TACR1: variants seen among roughly 807,000 people sequenced by gnomAD.
TACR1 encodes tachykinin receptor 1.
A neutral mutation model predicts 35.8 loss-of-function variants in TACR1; 25 were observed. The ratio of observed to expected loss-of-function variants is 0.70; its 90% CI spans 0.51 to 0.98. The LOEUF is 0.98. TACR1 is among the 50% of genes least tolerant of loss of function. The pLI is 0.00. For synonymous variants in TACR1, 195 were observed against 206.7 expected (o/e 0.94, Z 0.48); for missense variants, 478 against 522.9 (o/e 0.91, Z 0.84).
chr2:75,057,614 T>C (rs181508812), intron 2 of TACR1, among the ~76,000 whole-genome samples: 1 of 152,378 alleles, frequency 6.6e-6, no homozygotes, highest in East Asian at 1.9e-4. Context: ...TTATATGATC[T>C]ATATAGAATA....
chr2:75,110,858 C>T (rs564038937), intron 2 of TACR1, among the ~76,000 whole-genome samples: 43 of 152,020 alleles, frequency 2.8e-4, no homozygotes, highest in African/African-American at 9.6e-4. Flanking sequence ...TGATTCAAAT[C>T]AACTACACAT....
At chr2:75,165,710 C>T (rs553436515) in intron 1 of TACR1, among the ~76,000 whole-genome samples, 6 of 152,266 alleles carry the variant, frequency 3.9e-5, no homozygotes, top group African/African-American at 9.6e-5. Flanking sequence ...AAATATGGTG[C>T]GCCCAGGCTA....
chr2:75,052,235 G>A (rs2103780978), intron 3 of TACR1, among the ~76,000 whole-genome samples: 1 of 152,200 alleles, frequency 6.6e-6, no homozygotes, highest in East Asian at 1.9e-4. Context: ...TTATAAAATA[G>A]GCCTGAGAAA....
intron 1 of TACR1, among the ~76,000 whole-genome samples, chr2:75,193,421 C>T (rs1370461688): frequency 1.3e-5 from 2 of 152,208 alleles, no homozygotes; most frequent in African/African-American, 2.4e-5. Flanking sequence ...GCTTGTCATT[C>T]TCTAGCCTCA....
chr2:75,107,966 G>A (rs1348284165), intron 2 of TACR1, among the ~76,000 whole-genome samples: 1 of 44,020 alleles, frequency 2.3e-5, no homozygotes, highest in Non-Finnish European at 7.3e-5. Flanking sequence ...ATAATTGTAT[G>A]TTATTAAATT....
intron 1 of TACR1, among the ~76,000 whole-genome samples, chr2:75,173,040 C>T (rs1201065150): frequency 2.0e-5 from 3 of 152,046 alleles, no homozygotes; most frequent in Non-Finnish European, 4.4e-5. Flanking sequence ...CATTCTGAGA[C>T]ACTGGGGATT....
rs184746002 is a variant in TACR1, at chr2:75,095,873, A to G, written c.584+24701T>C. Reference sequence around the variant, plus strand: ...AGGTGGTACAGCTACAAGATGGCAGAGCCTCCATCACCTAAGTTCCTGACT... The same window carrying G: ...AGGTGGTACAGCTACAAGATGGCAGGGCCTCCATCACCTAAGTTCCTGACT... On this transcript the variant is annotated intron_variant, in intron 2 of 4. Transcript: ENST00000305249. 6.1e-3 allele frequency among the ~76,000 whole-genome samples: 934 copies of G among 152,288 alleles called. 8 individuals carry two copies. Among genetic ancestry groups the G allele is most frequent in the African/African-American group, 0.021 (892 of 41,536 alleles).
intron 1 of TACR1, among the ~76,000 whole-genome samples, chr2:75,195,995 T>G (rs6714958): frequency 0.57 from 86,074 of 152,002 alleles, 26,444 homozygotes; most frequent in African/African-American, 0.83. Context: ...TGTTGCTTCT[T>G]GTCGGTTAGG....
intron 1 of TACR1, among the ~76,000 whole-genome samples, chr2:75,128,649 C>T (rs920339573): frequency 2.0e-5 from 3 of 152,058 alleles, no homozygotes; most frequent in African/African-American, 7.2e-5. Context: ...GAAGACAGAG[C>T]GCGCATTTTT....
At chr2:75,097,015 T>C (rs555243665) in intron 2 of TACR1, among the ~76,000 whole-genome samples, 1 of 152,350 alleles carries the variant, frequency 6.6e-6, no homozygotes, top group East Asian at 1.9e-4. Context: ...TCAAGTCTCT[T>C]GTATCCTGGA....
At chr2:75,094,508 A>G (rs3755460) in intron 2 of TACR1, among the ~76,000 whole-genome samples, 70,780 of 151,974 alleles carry the variant, frequency 0.47, 16,546 homozygotes, top group East Asian at 0.57. Flanking sequence ...TCAAGTCTAC[A>G]TAGTTTGTGA....
intron 2 of TACR1, among the ~76,000 whole-genome samples, chr2:75,078,803 G>T (rs1198195440): frequency 6.6e-6 from 1 of 152,160 alleles, no homozygotes; most frequent in African/African-American, 2.4e-5. Flanking sequence ...TAATCATTCT[G>T]TATGCAAAAT....
chr2:75,062,189 C>T (rs950386734), intron 2 of TACR1, among the ~76,000 whole-genome samples: 9 of 152,148 alleles, frequency 5.9e-5, no homozygotes, highest in African/African-American at 1.9e-4. Context: ...GCAAAGAGCC[C>T]GAGTGCCTGA....
chr2:75,139,382 A>G (rs1211916210), intron 1 of TACR1, among the ~76,000 whole-genome samples: 2 of 152,230 alleles, frequency 1.3e-5, no homozygotes, highest in Non-Finnish European at 2.9e-5. Context: ...ATCAGACAGG[A>G]TTTGAATCCA....
At chr2:75,094,407 G>A (rs1673371066) in intron 2 of TACR1, among the ~76,000 whole-genome samples, 1 of 152,114 alleles carries the variant, frequency 6.6e-6, no homozygotes, top group Non-Finnish European at 1.5e-5. Flanking sequence ...TCACTAGGAG[G>A]GGTATTCACT....
At chr2:75,125,188 C>T (rs1272796591) in intron 1 of TACR1, among the ~76,000 whole-genome samples, 1 of 151,388 alleles carries the variant, frequency 6.6e-6, no homozygotes, top group African/African-American at 2.4e-5. Flanking sequence ...TCTATTCTTT[C>T]TTTTTTTTGT....
At chr2:75,150,851 T>C (rs1674654002) in intron 1 of TACR1, among the ~76,000 whole-genome samples, 1 of 152,222 alleles carries the variant, frequency 6.6e-6, no homozygotes, top group Non-Finnish European at 1.5e-5. Flanking sequence ...CCCAAAATGT[T>C]GATAGCAATA....
At chr2:75,192,144 T>C (rs1482918280) in intron 1 of TACR1, among the ~76,000 whole-genome samples, 1 of 152,100 alleles carries the variant, frequency 6.6e-6, no homozygotes, top group Non-Finnish European at 1.5e-5. Context: ...GACAGAGTGA[T>C]GGTAGTAAGG....
intron 1 of TACR1, among the ~76,000 whole-genome samples, chr2:75,133,996 A>G (rs1269784205): frequency 6.6e-6 from 1 of 152,168 alleles, no homozygotes; most frequent in Non-Finnish European, 1.5e-5. Context: ...GGTCGTCCTC[A>G]CTGTTACACT....
Sources: allele counts gnomAD v4.1 joint callset (sites outside exome capture counted in the v4.1 genomes callset), GRCh38; gene constraint gnomAD v4.1.1; transcripts MANE v1.5; gene names NCBI Gene and HGNC (gene_info 2026-07-23, HGNC 2026-07-21).